FAAH2: variants seen among roughly 807,000 people sequenced by gnomAD.
The protein encoded by FAAH2 is fatty acid amide hydrolase 2, also known as fatty-acid amide hydrolase 2.
FAAH2 carries 60 observed loss-of-function variants against 36.9 expected under a neutral mutation model. The ratio of observed to expected loss-of-function variants is 1.63; its 90% confidence interval spans 1.32 to 2.02. The LOEUF (loss-of-function observed/expected upper bound fraction) is 2.02, where lower values mean the gene tolerates loss of function less well. FAAH2 is among the 30% of genes most tolerant of loss of function. FAAH2 has a pLI of 0.00. For synonymous variants in FAAH2, 214 were observed against 143.8 expected, an observed-to-expected ratio of 1.49 and a Z score of -3.49; for missense variants, 689 against 397.5, an observed-to-expected ratio of 1.73 and a Z score of -6.23.
At chrX:57,209,114 C>T in the FAAH2 span, among the ~76,000 whole-genome samples, 2 of 111,936 alleles carry the variant, frequency 1.8e-5, no homozygotes, top group Admixed American at 9.4e-5. Flanking sequence ...CTAGAAATAT[C>T]CAAGAACCAA....
intron 7 of FAAH2, among the ~76,000 whole-genome samples, chrX:57,386,202 G>A (rs1481034548): frequency 9.0e-6 from 1 of 111,010 alleles, no homozygotes; most frequent in Non-Finnish European, 1.9e-5. Flanking sequence ...AGAAAATACT[G>A]CCAATAAAAA....
chrX:57,306,722 GTGTGTGTGTA>G (rs546106929), intron 2 of FAAH2, among the ~76,000 whole-genome samples: 7,076 of 76,654 alleles, frequency 0.092, 624 homozygotes, highest in African/African-American at 0.29. Context: ...GTGTGTGTGT[GTGTGTGTGTA>G]TATATATACA....
intron 10 of FAAH2, among the ~76,000 whole-genome samples, chrX:57,475,751 G>A (rs760728609): frequency 2.2e-4 from 25 of 111,992 alleles, no homozygotes; most frequent in African/African-American, 7.8e-4. Context: ...TAGCTTGATG[G>A]GAATAGCATT....
chrX:57,340,090 T>C (rs1183465993), intron 4 of FAAH2, among the ~76,000 whole-genome samples: 2 of 111,840 alleles, frequency 1.8e-5, no homozygotes, highest in African/African-American at 6.5e-5. Context: ...CAATGCAGCC[T>C]TTAATCTGTG....
chrX:57,242,231 C>T, the FAAH2 span, among the ~76,000 whole-genome samples: 2 of 112,007 alleles, frequency 1.8e-5, no homozygotes, highest in Non-Finnish European at 3.8e-5. Flanking sequence ...TGGCAGGTGC[C>T]TCTCTGAGAC....
chrX:57,380,856 C>A (rs2054825854), intron 6 of FAAH2, 56 bp from the exon 7 acceptor site: 3 of 742,504 alleles, frequency 4.0e-6, no homozygotes, highest in Non-Finnish European at 5.9e-6. Context: ...CAGGATTGAA[C>A]TATTAAGGAT....
rs1279175717 is a variant in FAAH2 at position 57,424,794 on chromosome X, G to A, written c.997-7124G>A. The stretch of plus-strand genomic sequence containing the variant: ...GAAAATATCTCCAGATGAGGAGAAA[G>A]CAGTGTAACAATTCTGGAAATATGA... On this transcript the variant is annotated intron_variant, in intron 7 of 10. Transcript: ENST00000374900. Among the ~76,000 whole-genome samples, 4 of 111,930 alleles carry A rather than the reference G, an allele frequency of 3.6e-5. No homozygotes were observed. In the South Asian group the frequency reaches 1.5e-3, roughly 41 times the overall value.
chrX:57,421,342 C>G (rs1313573423), intron 7 of FAAH2, among the ~76,000 whole-genome samples: 3 of 112,160 alleles, frequency 2.7e-5, no homozygotes, highest in African/African-American at 9.7e-5. Context: ...TACTCAGCTA[C>G]TCAGGTGGGT....
chrX:57,126,984 C>T, the FAAH2 span: 8 of 111,243 alleles, frequency 7.2e-5, no homozygotes, highest in South Asian at 1.5e-3. Flanking sequence ...ATGAATACTC[C>T]GTGCACTTTG....
In FAAH2 at chrX:57,349,111, T is replaced by C. The variant is rs758930047; in HGVS notation, c.742+7721T>C. Among the ~76,000 whole-genome samples, 12 of 96,627 alleles carry C rather than the reference T, an allele frequency of 1.2e-4. No homozygotes were observed. In the East Asian group the frequency reaches 2.5e-3, roughly 20 times the overall value. The allele number at this position is 96,627 out of a possible 115,157, so 83.9% of individuals were successfully genotyped here. On this transcript the variant is annotated intron_variant, in intron 5 of 10. Transcript: ENST00000374900. Reference sequence around the variant, plus strand: ...ATATATATTATATATATAATGTATATGTGTATAATATATACACATATATAT... The same window carrying C: ...ATATATATTATATATATAATGTATACGTGTATAATATATACACATATATAT...
chrX:57,327,473 A>C (rs2053251778), intron 3 of FAAH2, among the ~76,000 whole-genome samples: 1 of 109,489 alleles, frequency 9.1e-6, no homozygotes, highest in Admixed American at 9.8e-5. Flanking sequence ...ACTTTCAGGT[A>C]CACCAATCAG....
At chrX:57,364,210 A>T (rs749444753) in intron 5 of FAAH2, among the ~76,000 whole-genome samples, 1 of 108,538 alleles carries the variant, frequency 9.2e-6, no homozygotes, top group East Asian at 2.9e-4. Flanking sequence ...GGTAGTTTTT[A>T]AATTACTGAT....
chrX:57,228,022 C>A, the FAAH2 span, among the ~76,000 whole-genome samples: 2 of 112,047 alleles, frequency 1.8e-5, no homozygotes, highest in African/African-American at 3.2e-5. Flanking sequence ...GAACCTGTTT[C>A]CAGGTGAAGG....
chrX:57,200,820 T>C, the FAAH2 span, among the ~76,000 whole-genome samples: 2 of 112,163 alleles, frequency 1.8e-5, no homozygotes, highest in Non-Finnish European at 3.8e-5. Flanking sequence ...TACTGTGTTA[T>C]AATATTCTAT....
chrX:57,261,755 T>C, the FAAH2 span, among the ~76,000 whole-genome samples: 2 of 110,009 alleles, frequency 1.8e-5, no homozygotes, highest in Non-Finnish European at 3.8e-5. Flanking sequence ...TTAAAGTAAA[T>C]CACTCTGAGT....
chrX:57,299,767 A>G (rs1348471730), intron 2 of FAAH2, among the ~76,000 whole-genome samples: 2 of 112,177 alleles, frequency 1.8e-5, no homozygotes, highest in African/African-American at 6.5e-5. Context: ...GTCTCAGGAT[A>G]CAAAATCAAT....
intron 8 of FAAH2, among the ~76,000 whole-genome samples, chrX:57,444,595 C>T (rs2056634652): frequency 9.0e-6 from 1 of 111,212 alleles, no homozygotes; most frequent in African/African-American, 3.3e-5. Flanking sequence ...GTGGGCTGCA[C>T]CCTCTGTCTG....
chrX:57,264,987 G>A, the FAAH2 span, among the ~76,000 whole-genome samples: 1 of 111,860 alleles, frequency 8.9e-6, no homozygotes, highest in Non-Finnish European at 1.9e-5. Context: ...GAAAAGCAAG[G>A]CAGGACGATG....
At chrX:57,163,526 A>C in the FAAH2 span, among the ~76,000 whole-genome samples, 1 of 111,812 alleles carries the variant, frequency 8.9e-6, no homozygotes, top group East Asian at 2.8e-4. Context: ...CCGTGGGCGT[A>C]GGACCCTCTG....
Sources: gnomAD v4.1 joint callset for allele counts (sites outside exome capture counted in the v4.1 genomes callset) on GRCh38, gnomAD v4.1.1 for gene constraint, MANE v1.5 for transcripts, NCBI Gene and HGNC (gene_info 2026-07-23, HGNC 2026-07-21) for gene names.